CCM2: variants seen among roughly 807,000 people sequenced by gnomAD.
CCM2 encodes cerebral cavernous malformations 2 protein.
A neutral mutation model predicts 44.9 loss-of-function variants in CCM2; 25 were observed. The observed-to-expected ratio is 0.56, with a 90% confidence interval of 0.41 to 0.78. CCM2 has a LOEUF of 0.78. Among genes scored for constraint, CCM2 ranks in the 30% least tolerant of loss-of-function variants. CCM2 has a pLI of 0.00. For missense variants in CCM2, 481 were observed against 580.6 expected, an observed-to-expected ratio of 0.83 and a Z score of 1.76; for synonymous variants, 219 against 241.1, an observed-to-expected ratio of 0.91 and a Z score of 0.85.
At chr7:45,042,356 AAG>A (rs780384274) in intron 2 of CCM2, among the ~76,000 whole-genome samples, 2 of 152,082 alleles carry the variant, frequency 1.3e-5, no homozygotes, top group Non-Finnish European at 2.9e-5. Context: ...AGAGAGGAGA[AAG>A]AGGGAAGGGC....
intron 1 of CCM2, among the ~76,000 whole-genome samples, chr7:45,035,881 T>C (rs2128727476): frequency 6.6e-6 from 1 of 152,282 alleles, no homozygotes; most frequent in South Asian, 2.1e-4. Context: ...TTTAACTTAT[T>C]GTCAAGGTAA....
At chr7:45,036,261 T>C (rs990743240) in intron 1 of CCM2, among the ~76,000 whole-genome samples, 4 of 152,170 alleles carry the variant, frequency 2.6e-5, no homozygotes, top group African/African-American at 9.7e-5. Flanking sequence ...TTCGTTTTTA[T>C]TGAAAGAGCT....
chr7:45,020,340 T>A (rs1406033010), intron 1 of CCM2, among the ~76,000 whole-genome samples: 1 of 152,222 alleles, frequency 6.6e-6, no homozygotes, highest in Non-Finnish European at 1.5e-5. Context: ...ACTTCTCTCT[T>A]AAGGGAATAA....
Position 45,073,480 on chromosome 7 carries a change from A to G in CCM2, c.824A>G (p.Asp275Gly). The change falls in exon 8 of 10, where the codon GAT (aspartate) becomes GGT (glycine). Residue 275 changes from aspartate to glycine, a missense_variant. Transcript: ENST00000258781. ...CGCAGCTGCTTCCCTGAATCTGTGG[A>G]TGTGGGTGGTGCATCACCCCACAGC... ...ASTFCFPESV[D>G]VGGASPHSKT... 2 of 1,613,356 alleles carry G rather than the reference A, an allele frequency of 1.2e-6. No homozygotes were observed. The highest frequency in any genetic ancestry group is 2.7e-5 in the African/African-American group (2 of 75,040).
At chr7:45,073,896 A>C in intron 8 of CCM2, 1 of 522,118 alleles carries the variant, frequency 1.9e-6, no homozygotes, top group Non-Finnish European at 3.5e-6. Flanking sequence ...CATCTTATAT[A>C]GTTCTGTCAT....
intron 1 of CCM2, chr7:45,027,913 A>G: frequency 9.5e-7 from 1 of 1,049,064 alleles, no homozygotes; most frequent in South Asian, 1.3e-5. Flanking sequence ...AGGGTAGCCC[A>G]GTCTCCATGA....
chr7:45,031,543 T>G (rs1034853607), intron 1 of CCM2, among the ~76,000 whole-genome samples: 1 of 151,952 alleles, frequency 6.6e-6, no homozygotes, highest in Non-Finnish European at 1.5e-5. Flanking sequence ...CACGCTCAGC[T>G]TTTTTCTTTT....
intron 4 of CCM2, 34 bp downstream of exon 4, chr7:45,064,680 CCT>C: frequency 6.2e-7 from 1 of 1,609,574 alleles, no homozygotes; most frequent in Non-Finnish European, 8.5e-7. Context: ...GGGTCCTTGT[CCT>C]AAGGAGTACA....
intron 1 of CCM2, among the ~76,000 whole-genome samples, chr7:45,018,330 CTG>C (rs978832149): frequency 1.8e-4 from 27 of 152,206 alleles, no homozygotes; most frequent in Middle Eastern, 3.4e-3. Flanking sequence ...TCTAGGTTGA[CTG>C]TTTTCTTTCA....
At chr7:45,030,912 C>T (rs1000538759) in intron 1 of CCM2, among the ~76,000 whole-genome samples, 11 of 151,550 alleles carry the variant, frequency 7.3e-5, no homozygotes, top group East Asian at 2.0e-4. Context: ...TTAGTAGAGA[C>T]GGGGTTTCAC....
chr7:45,026,184 G>T (rs1488349558), intron 1 of CCM2, among the ~76,000 whole-genome samples: 4 of 152,154 alleles, frequency 2.6e-5, no homozygotes, highest in Non-Finnish European at 4.4e-5. Context: ...GAAGGTCAGG[G>T]TCAGCTGGTT....
chr7:45,072,526 G>A (rs1799129640), intron 6 of CCM2, 200 bp from the exon 7 acceptor site: 3 of 660,842 alleles, frequency 4.5e-6, no homozygotes, highest in African/African-American at 3.5e-5. Flanking sequence ...CAGGAGGGGT[G>A]TATGTGGGCT....
At chr7:45,000,652 C>T (rs1186581290) in intron 1 of CCM2, among the ~76,000 whole-genome samples, 4 of 152,188 alleles carry the variant, frequency 2.6e-5, no homozygotes, top group African/African-American at 7.2e-5. Flanking sequence ...AGGAAGTGGG[C>T]CCGGCGAGGG....
chr7:45,030,446 C>T (rs201091714), intron 1 of CCM2, among the ~76,000 whole-genome samples: 8 of 152,280 alleles, frequency 5.3e-5, no homozygotes, highest in East Asian at 1.9e-4. Context: ...TTATTTCCCT[C>T]GTTCCTTCCA....
In CCM2 at chr7:45,054,194, G is replaced by A. The variant is rs575171831; in HGVS notation, c.205-9724G>A. Reference sequence around the variant, plus strand: ...GAGGACAGGGCAGATTCTGGGGAGAGCAAGCAGTATCTCATGAGATTCCCA... The same window carrying A: ...GAGGACAGGGCAGATTCTGGGGAGAACAAGCAGTATCTCATGAGATTCCCA... On this transcript the variant is annotated intron_variant, in intron 2 of 9. Coordinates refer to ENST00000258781, the MANE Select transcript of CCM2 (RefSeq NM_031443.4). Among the ~76,000 whole-genome samples the A allele has an allele frequency of 2.6e-5, 4 of 152,280 alleles. No individual in the cohort carries two copies. The East Asian group carries it at 7.7e-4, about 29-fold the overall frequency.
intron 5 of CCM2, 130 bp from the exon 6 acceptor site, chr7:45,069,696 G>A (rs1798959426): frequency 5.0e-6 from 6 of 1,208,712 alleles, no homozygotes; most frequent in Non-Finnish European, 6.0e-6. Context: ...AAGGCAGAGG[G>A]ACACATTCTG....
chr7:45,029,913 G>C (rs542519995), intron 1 of CCM2, among the ~76,000 whole-genome samples: 12 of 152,330 alleles, frequency 7.9e-5, no homozygotes, highest in African/African-American at 2.6e-4. Flanking sequence ...CGTTAACTTT[G>C]TAAGAATTTG....
Position 45,074,299 on chromosome 7 carries a change from C to T in CCM2, c.945C>T (p.Ile315=), listed in dbSNP as rs766187723. 6.2e-7 allele frequency: 1 copy of T among 1,613,724 alleles called. No homozygotes were observed. The highest frequency in any genetic ancestry group is 1.7e-5 in the Admixed American group (1 of 60,024). Residue 315 remains isoleucine (I), a synonymous_variant, in exon 9 of 10, where the codon ATC becomes ATT. Transcript: ENST00000258781. ...GCACCAAGCTGTCATCACAGGAGAT[C>T]CAGCAGTTTGCAGCACTGCTGCACG... ...TLRTKLSSQE[I]QQFAALLHEY...
chr7:45,017,896 C>G (rs539094126), intron 1 of CCM2, among the ~76,000 whole-genome samples: 1 of 152,262 alleles, frequency 6.6e-6, no homozygotes, highest in South Asian at 2.1e-4. Context: ...TGGTGTAGGT[C>G]TGACACATTG....
Sources: gnomAD v4.1 joint callset for allele counts (sites outside exome capture counted in the v4.1 genomes callset) on GRCh38, gnomAD v4.1.1 for gene constraint, MANE v1.5 for transcripts, NCBI Gene and HGNC (gene_info 2026-07-23, HGNC 2026-07-21) for gene names.